SMIM9: variants seen among roughly 807,000 people sequenced by gnomAD.
The protein encoded by SMIM9 is small integral membrane protein 9.
A neutral mutation model predicts 7.2 loss-of-function variants in SMIM9; 8 were observed. The observed-to-expected ratio is 1.10, with a 90% CI of 0.65 to 1.99. SMIM9 has a LOEUF of 1.99. Ranked by LOEUF, SMIM9 falls within the 30% of genes most tolerant of loss-of-function variation. The pLI is 0.00. For missense variants in SMIM9, 76 were observed against 69.3 expected (o/e 1.10, Z -0.34); for synonymous variants, 19 against 26.4 (o/e 0.72, Z 0.86).
At chrX:154,829,401 T>G (rs1269744005) in intron 4 of SMIM9, 134 bp downstream of exon 4, 7 of 790,142 alleles carry the variant, frequency 8.9e-6, no homozygotes, top group Non-Finnish European at 8.7e-6. Flanking sequence ...TTTCACAGTT[T>G]TCCTCCCAGA....
chrX:154,830,625 A>G, intron 3 of SMIM9, 90 bp downstream of exon 3: 2 of 1,053,373 alleles, frequency 1.9e-6, no homozygotes, highest in Non-Finnish European at 2.5e-6. Context: ...CATTCTTTTT[A>G]AACATGAAAT....
intron 1 of SMIM9, among the ~76,000 whole-genome samples, chrX:154,833,922 CCA>C (rs2072456087): frequency 8.9e-6 from 1 of 112,038 alleles, no homozygotes; most frequent in Non-Finnish European, 1.9e-5. Flanking sequence ...CCAGTCTCCC[CCA>C]GTTTCTTGCT....
At position 154,829,633 on chromosome X, in the gene SMIM9, C is replaced by T. The variant is rs1557270423; in HGVS notation, c.174G>A (p.Arg58=). ...GNHRSWLNNF[R]DYLWQLIKSA... is the part of the protein sequence containing the mutation. ...TCTTGATAAGTTGCCATAAGTAATCCCTGAAGTTGTTCAGCCAGGACCTGT... is the reference window on the plus strand; with the variant it reads ...TCTTGATAAGTTGCCATAAGTAATCTCTGAAGTTGTTCAGCCAGGACCTGT... Residue 58 remains arginine (R), a synonymous_variant, in exon 4 of 5, where the codon AGG becomes AGA. Transcript: ENST00000369529. The T allele has an allele frequency of 8.6e-7, 1 of 1,165,451 alleles. No individual in the cohort carries two copies. Among genetic ancestry groups the T allele is most frequent in the East Asian group, 3.3e-5 (1 of 30,703 alleles).
At chrX:154,834,277 G>T (rs146972772) in intron 1 of SMIM9, among the ~76,000 whole-genome samples, 7,576 of 112,121 alleles carry the variant, frequency 0.068, 616 homozygotes, top group African/African-American at 0.23. Context: ...GGAGTAACAT[G>T]CATGAGAAGG....
intron 4 of SMIM9, among the ~76,000 whole-genome samples, chrX:154,828,094 C>T (rs1192831691): frequency 8.9e-6 from 1 of 111,803 alleles, no homozygotes; most frequent in East Asian, 2.8e-4. Flanking sequence ...ATTAATTATA[C>T]TCTGAATGCC....
chrX:154,830,731 C>T lies in SMIM9; in HGVS notation c.126G>A (p.Ser42=), dbSNP rs1324641471. ...SALGIQEKTG[S]KPRSGGNHRS... Reference sequence around the variant, plus strand: ...CAAACACACCCCCTGAGCGTGGTTTCGATCCTGTTTTTTCTTGTATTCCCA... The same window carrying T: ...CAAACACACCCCCTGAGCGTGGTTTTGATCCTGTTTTTTCTTGTATTCCCA... Residue 42 remains serine (S), a synonymous_variant, in exon 3 of 5, where the codon TCG becomes TCA. Coordinates refer to ENST00000369529, the MANE Select transcript of SMIM9 (RefSeq NM_001162936.4). 9.4e-6 allele frequency: 11 copies of T among 1,165,565 alleles called. No individual in the cohort carries two copies. The highest frequency in any genetic ancestry group is 3.3e-5 in the East Asian group (1 of 30,703).
intron 1 of SMIM9, among the ~76,000 whole-genome samples, chrX:154,833,628 T>G (rs782013471): frequency 1.8e-5 from 2 of 109,772 alleles, no homozygotes; most frequent in Non-Finnish European, 3.8e-5. Flanking sequence ...AAAACCTAGA[T>G]GATGGGTTGA....
At chrX:154,824,302 G>A (rs966105064) in intron 4 of SMIM9, among the ~76,000 whole-genome samples, 1 of 92,830 alleles carries the variant, frequency 1.1e-5, no homozygotes, top group Admixed American at 1.4e-4. Flanking sequence ...CTTGCAGTGA[G>A]CCGAGATCAC....
At position 154,823,683 on chromosome X, in the gene SMIM9, G is replaced by C. The variant is rs1164508808; in HGVS notation, c.*72C>G. ...GATAGATACTTCCTCATTTTAAGCA[G>C]ATAGCAAATGCCCCACTCTTTTGGA... is the stretch of plus-strand genomic sequence containing the variant. On this transcript the variant is annotated 3_prime_UTR_variant, in exon 5 of 5. Coordinates refer to ENST00000369529, the MANE Select transcript of SMIM9 (RefSeq NM_001162936.4). 1.1e-6 allele frequency: 1 copy of C among 939,915 alleles called. No homozygotes were observed. Among genetic ancestry groups the C allele is most frequent in the Non-Finnish European group, 1.4e-6 (1 of 694,451 alleles). The allele number at this position is 939,915 out of a possible 1,213,427, so 77.5% of individuals were successfully genotyped here.
Position 154,829,529 on chromosome X carries a change from G to A in SMIM9, c.272+6C>T. ...CTCCCTGTCTCTTCTTCCCACAGAA[G>A]CTTACGTGAAGCAGCAGAGGATCCC... On this transcript the variant is annotated splice_donor_region_variant and intron_variant, in intron 4 of 4. Coordinates refer to ENST00000369529, the MANE Select transcript of SMIM9 (RefSeq NM_001162936.4). The A allele has an allele frequency of 8.6e-7, 1 of 1,166,142 alleles. No homozygotes were observed. The highest frequency in any genetic ancestry group is 1.1e-6 in the Non-Finnish European group (1 of 872,185).
chrX:154,823,727 C>CGTGG lies in SMIM9; in HGVS notation c.*27_*28insCCAC. The CGTGG allele has an allele frequency of 8.7e-7, 1 of 1,154,589 alleles. No individual in the cohort carries two copies. Among genetic ancestry groups the CGTGG allele is most frequent in the Non-Finnish European group, 1.2e-6 (1 of 866,474 alleles). ...TTTTGGAGTCCAACTGGAGAGACCACACTTGCCCTGTTGAATCTTCTAGTT... is the reference window on the plus strand; with the variant it reads ...TTTTGGAGTCCAACTGGAGAGACCACGTGGACTTGCCCTGTTGAATCTTCTAGTT... On this transcript the variant is annotated 3_prime_UTR_variant, in exon 5 of 5. Transcript: ENST00000369529.
chrX:154,833,068 T>C (rs1557270691), intron 1 of SMIM9, among the ~76,000 whole-genome samples: 1 of 111,826 alleles, frequency 8.9e-6, no homozygotes, highest in Non-Finnish European at 1.9e-5. Context: ...TTTTCTGTCA[T>C]ACTTTTATGA....
At chrX:154,829,774 A>G (rs911719522) in intron 3 of SMIM9, 110 bp from the exon 4 acceptor site, 21 of 825,461 alleles carry the variant, frequency 2.5e-5, no homozygotes, top group Non-Finnish European at 3.6e-5. Flanking sequence ...ATGTTCTTAC[A>G]GTTGTCCAGA....
At position 154,829,631 on chromosome X, in the gene SMIM9, T is replaced by G. The variant is rs1557270422; in HGVS notation, c.176A>C (p.Asp59Ala). 9 of 1,165,715 alleles carry G rather than the reference T, an allele frequency of 7.7e-6. No homozygotes were observed. The Admixed American group carries it at 2.3e-4, about 30-fold the overall frequency. The change falls in exon 4 of 5, where the codon GAT becomes GCT. Residue 59 changes from aspartate to alanine, a missense_variant. Physicochemically the swap from Asp to Ala is moderately radical, Grantham distance 126. Transcript: ENST00000369529. ...ACTCTTGATAAGTTGCCATAAGTAA[T>G]CCCTGAAGTTGTTCAGCCAGGACCT... ...NHRSWLNNFR[D>A]YLWQLIKSAL...
At chrX:154,828,726 G>GT (rs1382724700) in intron 4 of SMIM9, among the ~76,000 whole-genome samples, 2 of 111,647 alleles carry the variant, frequency 1.8e-5, no homozygotes, top group African/African-American at 6.5e-5. Flanking sequence ...CACATCCAAG[G>GT]TTGCTTCCTA....
In SMIM9 at chrX:154,823,602, A is replaced by C. The variant is rs2072405824; in HGVS notation, c.*153T>G. 2 of 467,468 alleles carry C rather than the reference A, an allele frequency of 4.3e-6. No homozygotes were observed. The highest frequency in any genetic ancestry group is 4.9e-5 in the African/African-American group (2 of 40,563). 38.5% of individuals were successfully genotyped at this position (467,468 alleles called of 1,213,427 possible). A position where few individuals can be genotyped will look rare whatever the true frequency, so the allele number is the denominator to read the frequency against. Reference sequence around the variant, plus strand: ...TCACATTTTAAAATTGCAACTTTTGAAGGAGAAAATGAAGGCAAAGGATGA... The same window carrying C: ...TCACATTTTAAAATTGCAACTTTTGCAGGAGAAAATGAAGGCAAAGGATGA... On this transcript the variant is annotated 3_prime_UTR_variant, in exon 5 of 5. Coordinates refer to ENST00000369529, the MANE Select transcript of SMIM9 (RefSeq NM_001162936.4).
intron 3 of SMIM9, 101 bp from the exon 4 acceptor site, chrX:154,829,765 T>C: frequency 3.3e-6 from 3 of 922,162 alleles, no homozygotes; most frequent in South Asian, 2.4e-5. Context: ...CCAGATATCA[T>C]GTTCTTACAG....
At chrX:154,824,548 A>G (rs935921117) in intron 4 of SMIM9, among the ~76,000 whole-genome samples, 2 of 111,313 alleles carry the variant, frequency 1.8e-5, no homozygotes, top group Non-Finnish European at 3.8e-5. Context: ...AGTTTTTAAT[A>G]AGAAATTAGA....
At chrX:154,830,547 C>T (rs1288103804) in intron 3 of SMIM9, 168 bp downstream of exon 3, 11 of 543,986 alleles carry the variant, frequency 2.0e-5, no homozygotes, top group East Asian at 7.8e-5. Flanking sequence ...GGGCTTGGTA[C>T]GTAGTAGGTA....
Sources: gnomAD v4.1 joint callset for allele counts (sites outside exome capture counted in the v4.1 genomes callset) on GRCh38, gnomAD v4.1.1 for gene constraint, MANE v1.5 for transcripts, NCBI Gene and HGNC (gene_info 2026-07-23, HGNC 2026-07-21) for gene names.